Variants in IGF2BP3 observed in about 807,000 individuals in gnomAD.
IGF2BP3 encodes the protein insulin-like growth factor 2 mRNA-binding protein 3.
In IGF2BP3, 9 loss-of-function variants were observed where a neutral mutation model predicts 73.8. That is an observed-to-expected ratio of 0.12 (90% confidence interval 0.07 to 0.21). IGF2BP3 has a LOEUF of 0.21. Among genes scored for constraint, IGF2BP3 ranks in the 10% least tolerant of loss-of-function variants. The pLI is 1.00. For synonymous variants in IGF2BP3, 258 were observed against 256.7 expected (o/e 1.01, Z -0.05); for missense variants, 542 against 714.0 (o/e 0.76, Z 2.75).
At chr7:23,464,873 A>G (rs904375235) in intron 2 of IGF2BP3, among the ~76,000 whole-genome samples, 1 of 152,146 alleles carries the variant, frequency 6.6e-6, no homozygotes, top group Non-Finnish European at 1.5e-5. Context: ...CAACCGCTAA[A>G]TCATGAGGAA....
intron 10 of IGF2BP3, among the ~76,000 whole-genome samples, chr7:23,325,272 T>C (rs1221369220): frequency 2.0e-5 from 3 of 151,676 alleles, no homozygotes; most frequent in Admixed American, 6.6e-5. Flanking sequence ...TTCTTATACA[T>C]CAATAACAGA....
intron 2 of IGF2BP3, among the ~76,000 whole-genome samples, chr7:23,424,139 AAC>A (rs1477940216): frequency 6.6e-6 from 1 of 151,160 alleles, no homozygotes; most frequent in African/African-American, 2.4e-5. Context: ...TTTTTTTTTC[AAC>A]ACAGTTTAAG....
At chr7:23,462,364 CT>C (rs60416705) in intron 2 of IGF2BP3, among the ~76,000 whole-genome samples, 48,217 of 142,788 alleles carry the variant, frequency 0.34, 7,872 homozygotes, top group Middle Eastern at 0.4. Flanking sequence ...AAGAATATTT[CT>C]TTTTTTTTTT....
At chr7:23,401,909 G>A (rs537854974) in intron 3 of IGF2BP3, among the ~76,000 whole-genome samples, 2 of 152,234 alleles carry the variant, frequency 1.3e-5, no homozygotes, top group East Asian at 3.9e-4. Flanking sequence ...TTGAGGTCAG[G>A]AATTCAAGAC....
intron 2 of IGF2BP3, among the ~76,000 whole-genome samples, chr7:23,436,606 AG>A (rs1443188194): frequency 6.6e-6 from 1 of 152,248 alleles, no homozygotes; most frequent in Admixed American, 6.5e-5. Flanking sequence ...AATTTTTAAG[AG>A]AAAAATATAA....
At chr7:23,325,670 C>T (rs1280987113) in intron 10 of IGF2BP3, among the ~76,000 whole-genome samples, 1 of 152,216 alleles carries the variant, frequency 6.6e-6, no homozygotes, top group Non-Finnish European at 1.5e-5. Context: ...TGACTTCAAA[C>T]TATACTACAA....
intron 10 of IGF2BP3, among the ~76,000 whole-genome samples, chr7:23,337,287 C>T (rs1784598193): frequency 6.6e-6 from 1 of 152,016 alleles, no homozygotes; most frequent in African/African-American, 2.4e-5. Flanking sequence ...CTAATTGTAT[C>T]CAGGGACAAT....
In IGF2BP3 at chr7:23,465,530, C is replaced by T. The variant is rs183238081; in HGVS notation, c.236+2952G>A. Among the ~76,000 whole-genome samples, 7 of 151,892 alleles carry T rather than the reference C, an allele frequency of 4.6e-5. No individual in the cohort carries two copies. The East Asian group carries it at 5.8e-4, about 13-fold the overall frequency. ...TACTACTTCCTGAAAGGGTCCCCCC[C>T]CAAGCTCCACTGGAAGTCAAAGCCA... On this transcript the variant is annotated intron_variant, in intron 2 of 14. Transcript: ENST00000258729.
chr7:23,377,463 G>A (rs758966546), intron 3 of IGF2BP3, among the ~76,000 whole-genome samples: 25 of 152,308 alleles, frequency 1.6e-4, no homozygotes, highest in Admixed American at 3.3e-4. Flanking sequence ...TAATTGAAAA[G>A]ACAAATAATA....
chr7:23,377,139 C>CA (rs1470877222), intron 3 of IGF2BP3, among the ~76,000 whole-genome samples: 1 of 151,132 alleles, frequency 6.6e-6, no homozygotes, highest in African/African-American at 2.4e-5. Context: ...AAGAAAAGAA[C>CA]AAAAAAATAA....
chr7:23,342,193 CA>C lies in IGF2BP3; in HGVS notation c.1078-5del, dbSNP rs1784729649. On this transcript the variant is annotated splice_polypyrimidine_tract_variant and splice_region_variant and intron_variant, in intron 9 of 14. Transcript: ENST00000258729. ...CAGGAATTAAATGTGCTTGAAGCTG[CA>C]ACAGTAAAAAGGCCCCTTAATTTGA... 6.2e-7 allele frequency: 1 copy of C among 1,613,210 alleles called. No individual in the cohort carries two copies. Among genetic ancestry groups the C allele is most frequent in the Non-Finnish European group, 8.5e-7 (1 of 1,179,576 alleles).
chr7:23,346,146 A>G (rs1784823243), intron 7 of IGF2BP3, 84 bp from the exon 8 acceptor site: 29 of 1,435,548 alleles, frequency 2.0e-5, no homozygotes, highest in Non-Finnish European at 2.6e-5. Flanking sequence ...TTAAACATTT[A>G]CTTCCTACCT....
intron 3 of IGF2BP3, among the ~76,000 whole-genome samples, chr7:23,406,201 T>C (rs1786825042): frequency 6.6e-6 from 1 of 152,188 alleles, no homozygotes; most frequent in African/African-American, 2.4e-5. Flanking sequence ...TTGAACCTGT[T>C]TGCTTCTTTT....
At chr7:23,386,800 G>T (rs1161187092) in intron 3 of IGF2BP3, among the ~76,000 whole-genome samples, 3 of 152,124 alleles carry the variant, frequency 2.0e-5, no homozygotes, top group Non-Finnish European at 4.4e-5. Flanking sequence ...GGGCATGCTG[G>T]CTCACACCCA....
intron 2 of IGF2BP3, among the ~76,000 whole-genome samples, chr7:23,427,337 T>C (rs770988642): frequency 6.6e-6 from 1 of 152,188 alleles, no homozygotes; most frequent in Non-Finnish European, 1.5e-5. Flanking sequence ...CAATAAAGTA[T>C]CTATCATTGG....
intron 2 of IGF2BP3, among the ~76,000 whole-genome samples, chr7:23,432,033 T>G (rs1787695609): frequency 6.6e-6 from 1 of 152,218 alleles, no homozygotes; most frequent in African/African-American, 2.4e-5. Context: ...ATCACAGTTC[T>G]AAGTGAGAAT....
intron 3 of IGF2BP3, 28 bp from the exon 4 acceptor site, chr7:23,361,769 A>C (rs1322485935): frequency 1.9e-6 from 3 of 1,581,136 alleles, no homozygotes; most frequent in Non-Finnish European, 2.6e-6. Context: ...GAAAATTATA[A>C]ATTTTGAGTT....
intron 3 of IGF2BP3, chr7:23,415,311 G>T: frequency 4.3e-6 from 1 of 233,258 alleles, no homozygotes; most frequent in Non-Finnish European, 8.5e-6. Flanking sequence ...CACATCCGCA[G>T]GTCCCCGTTC....
intron 10 of IGF2BP3, among the ~76,000 whole-genome samples, chr7:23,323,833 C>A (rs550732841): frequency 1.3e-5 from 2 of 151,808 alleles, no homozygotes; most frequent in African/African-American, 4.8e-5. Flanking sequence ...GGGTACATAA[C>A]GAAATTAAGG....
Sources: gnomAD v4.1 joint callset for allele counts (sites outside exome capture counted in the v4.1 genomes callset) on GRCh38, gnomAD v4.1.1 for gene constraint, MANE v1.5 for transcripts, NCBI Gene and HGNC (gene_info 2026-07-23, HGNC 2026-07-21) for gene names.